The following TTLL5 variants were observed in gnomAD, a reference collection of about 807,000 sequenced individuals.
TTLL5 encodes tubulin polyglutamylase TTLL5.
Under a neutral mutation model 168.4 loss-of-function variants are expected in TTLL5, and 132 were observed. The ratio of observed to expected loss-of-function variants is 0.78; its 90% CI spans 0.68 to 0.91. TTLL5 has a LOEUF of 0.91. TTLL5 is among the 40% of genes least tolerant of loss of function. The pLI, the probability that TTLL5 is intolerant of heterozygous loss-of-function variation, is 0.00. For synonymous variants in TTLL5, 546 were observed against 558.6 expected (o/e 0.98, Z 0.32); for missense variants, 1,545 against 1,581.5 (o/e 0.98, Z 0.39).
At chr14:75,794,082 T>G (rs1328249560) in intron 27 of TTLL5, among the ~76,000 whole-genome samples, 1 of 152,222 alleles carries the variant, frequency 6.6e-6, no homozygotes, top group African/African-American at 2.4e-5. Flanking sequence ...TCTCATGGAA[T>G]TAGTTTTACT....
intron 12 of TTLL5, among the ~76,000 whole-genome samples, chr14:75,726,234 T>A (rs894060410): frequency 7.2e-5 from 11 of 152,304 alleles, no homozygotes; most frequent in Admixed American, 4.6e-4. Flanking sequence ...TTTATCAGGT[T>A]TTTTCTTAAT....
At chr14:75,810,015 T>C (rs1263216465) in intron 27 of TTLL5, among the ~76,000 whole-genome samples, 2 of 152,200 alleles carry the variant, frequency 1.3e-5, no homozygotes, top group East Asian at 3.8e-4. Flanking sequence ...CTAGATCATA[T>C]GGTTGTTGTA....
Position 75,863,875 on chromosome 14 carries a change from A to G in TTLL5, c.3522+13A>G. ...AGCCCGGCACCAGGTAATTCAAGAT[A>G]AGTCTTTTCCATGTGTTATATCTTC... On this transcript the variant is annotated intron_variant, in intron 29 of 31. Coordinates refer to ENST00000298832, the MANE Select transcript of TTLL5 (RefSeq NM_015072.5). 8.9e-7 allele frequency: 1 copy of G among 1,121,880 alleles called. No individual in the cohort carries two copies. Among genetic ancestry groups the G allele is most frequent in the East Asian group, 3.0e-5 (1 of 33,294 alleles). The allele number at this position is 1,121,880 out of a possible 1,614,324, so 69.5% of individuals were successfully genotyped here.
chr14:75,874,127 T>C (rs766481361), intron 29 of TTLL5, among the ~76,000 whole-genome samples: 7 of 151,980 alleles, frequency 4.6e-5, no homozygotes, highest in Non-Finnish European at 8.8e-5. Context: ...AGTTTCACTC[T>C]ATTGCCCAGG....
chr14:75,775,818 T>C (rs1595018472), intron 22 of TTLL5, among the ~76,000 whole-genome samples, 188 bp downstream of exon 22: 1 of 152,306 alleles, frequency 6.6e-6, no homozygotes, highest in East Asian at 1.9e-4. Flanking sequence ...AAAAACTATT[T>C]ATTACTTCTG....
chr14:75,663,118 G>A lies in TTLL5; in HGVS notation c.-32G>A, dbSNP rs760806437. 4 of 1,609,390 alleles carry A rather than the reference G, an allele frequency of 2.5e-6. No homozygotes were observed. Among genetic ancestry groups the A allele is most frequent in the African/African-American group, 2.7e-5 (2 of 74,800 alleles). The stretch of plus-strand genomic sequence containing the variant: ...GCTAGGAAAGGTCTCTGAGGCCCCC[G>A]TCTGCTGACTGCATGACAAACCCTA... On this transcript the variant is annotated 5_prime_UTR_variant, in exon 2 of 32. Coordinates refer to ENST00000298832, the MANE Select transcript of TTLL5 (RefSeq NM_015072.5).
At chr14:75,930,583 T>A in intron 31 of TTLL5, 1 of 984,404 alleles carries the variant, frequency 1.0e-6, no homozygotes, top group Non-Finnish European at 1.2e-6. Context: ...ATTAAATATC[T>A]ACTGACGTTT....
intron 31 of TTLL5, among the ~76,000 whole-genome samples, chr14:75,929,743 A>G (rs1296924735): frequency 6.6e-6 from 1 of 152,058 alleles, no homozygotes; most frequent in Non-Finnish European, 1.5e-5. Context: ...GTGAGCCACT[A>G]CGCCCGGCCA....
intron 17 of TTLL5, among the ~76,000 whole-genome samples, chr14:75,749,976 T>C (rs937182304): frequency 2.0e-5 from 3 of 152,202 alleles, no homozygotes; most frequent in African/African-American, 7.2e-5. Flanking sequence ...ATAATAAGAA[T>C]AGCTCATATT....
chr14:75,843,877 G>GTTTTATTTTATTTTA (rs1555350794), intron 28 of TTLL5, among the ~76,000 whole-genome samples: 52,277 of 130,292 alleles, frequency 0.4, 13,157 homozygotes, highest in Non-Finnish European at 0.54. Context: ...GTTTTGTTTT[G>GTTTTATTTTATTTTA]TTTTATTTTA....
At chr14:75,669,389 T>C in intron 2 of TTLL5, 27 bp from the exon 3 acceptor site, 1 of 1,598,432 alleles carries the variant, frequency 6.3e-7, no homozygotes, top group Non-Finnish European at 8.6e-7. Context: ...GAGCTGTAAA[T>C]TAATGAAGGC....
chr14:75,842,774 G>A (rs1247099682), intron 28 of TTLL5, among the ~76,000 whole-genome samples: 1 of 152,168 alleles, frequency 6.6e-6, no homozygotes, highest in African/African-American at 2.4e-5. Flanking sequence ...ATGTTGGCTA[G>A]GAAAGCTGCA....
At chr14:75,833,026 C>T (rs1043342706) in intron 28 of TTLL5, among the ~76,000 whole-genome samples, 4 of 152,270 alleles carry the variant, frequency 2.6e-5, no homozygotes, top group East Asian at 1.9e-4. Flanking sequence ...GTCTCCTCAG[C>T]GTGGCCACCT....
rs764027289 is a variant in TTLL5 at position 75,732,331 on chromosome 14, T to A, written c.1043-7T>A. The A allele has an allele frequency of 1.9e-6, 3 of 1,612,856 alleles. No individual in the cohort carries two copies. The Admixed American group carries it at 5.0e-5, about 27-fold the overall frequency. ...ATCTTGTGTATTGTGTTGTGTTGTA[T>A]TTCTAGAACTCTATGGCTTTGACGT... On this transcript the variant is annotated splice_polypyrimidine_tract_variant and splice_region_variant and intron_variant, in intron 12 of 31. Transcript: ENST00000298832.
chr14:75,761,888 T>C (rs1169702242), intron 18 of TTLL5, among the ~76,000 whole-genome samples: 4 of 152,212 alleles, frequency 2.6e-5, no homozygotes, highest in Non-Finnish European at 5.9e-5. Context: ...AGTAATGATA[T>C]GCATGTTGAA....
chr14:75,954,502 G>T lies in TTLL5; in HGVS notation c.*56G>T. The T allele has an allele frequency of 6.3e-7, 1 of 1,597,552 alleles. No homozygotes were observed. ...ACCACTCCTGGGTGCATGATTGAGGGTGAAGCATCCACCAGCACTTCAAGG... is the reference window on the plus strand; with the variant it reads ...ACCACTCCTGGGTGCATGATTGAGGTTGAAGCATCCACCAGCACTTCAAGG... On this transcript the variant is annotated 3_prime_UTR_variant, in exon 32 of 32. Transcript: ENST00000298832.
chr14:75,933,411 C>T (rs957126596), intron 31 of TTLL5, among the ~76,000 whole-genome samples: 1 of 152,180 alleles, frequency 6.6e-6, no homozygotes, highest in Non-Finnish European at 1.5e-5. Flanking sequence ...CGCAGTCAGC[C>T]GGATCATGCT....
At chr14:75,680,749 C>T (rs1479501684) in intron 3 of TTLL5, among the ~76,000 whole-genome samples, 4 of 151,770 alleles carry the variant, frequency 2.6e-5, no homozygotes, top group South Asian at 2.1e-4. Flanking sequence ...CTCAGCCTCC[C>T]GAGTAGGTGG....
At chr14:75,742,965 T>C (rs1889365561) in intron 15 of TTLL5, among the ~76,000 whole-genome samples, 2 of 152,248 alleles carry the variant, frequency 1.3e-5, no homozygotes, top group Admixed American at 6.5e-5. Context: ...GTTTAATTTA[T>C]TCCCAGAGAT....
Sources: allele counts gnomAD v4.1 joint callset (sites outside exome capture counted in the v4.1 genomes callset), GRCh38; gene constraint gnomAD v4.1.1; transcripts MANE v1.5; gene names NCBI Gene and HGNC (gene_info 2026-07-23, HGNC 2026-07-21).